Variants in GRIN2A observed in about 807,000 individuals in gnomAD.
The protein encoded by GRIN2A is glutamate ionotropic receptor NMDA type subunit 2A, also known as glutamate receptor ionotropic, NMDA 2A.
GRIN2A carries 22 observed loss-of-function variants against 113.4 expected under a neutral mutation model. The observed-to-expected ratio is 0.19, with a 90% confidence interval of 0.14 to 0.28. The LOEUF (loss-of-function observed/expected upper bound fraction) is 0.28. Ranked by LOEUF, GRIN2A falls within the 10% of genes least tolerant of loss-of-function variation. GRIN2A has a pLI of 1.00. For missense variants in GRIN2A, 1,502 were observed against 1,887.0 expected, an observed-to-expected ratio of 0.80 and a Z score of 3.78; for synonymous variants, 827 against 738.4, an observed-to-expected ratio of 1.12 and a Z score of -1.94.
chr16:10,179,893 C>CCCAAAAAAAAAAAAAAAAAA, intron 2 of GRIN2A, 105 bp downstream of exon 2: 3 of 719,816 alleles, frequency 4.2e-6, no homozygotes, highest in African/African-American at 1.8e-5. Context: ...CCCCCACCCC[C>CCCAAAAAAAAAAAAAAAAAA]ACTTCACATC....
intron 3 of GRIN2A, among the ~76,000 whole-genome samples, chr16:9,923,567 G>A (rs373211208): frequency 1.6e-4 from 25 of 151,830 alleles, no homozygotes; most frequent in African/African-American, 5.6e-4. Context: ...ATTAGCCAGA[G>A]CATTGGGGTT....
chr16:9,891,221 C>T (rs1298470299), intron 3 of GRIN2A, 121 bp from the exon 4 acceptor site: 1 of 703,050 alleles, frequency 1.4e-6, no homozygotes, highest in Non-Finnish European at 2.6e-6. Context: ...CTATATTCAT[C>T]ACAAGAAGCC....
At chr16:10,134,505 A>G (rs1346090440) in intron 2 of GRIN2A, among the ~76,000 whole-genome samples, 2 of 152,160 alleles carry the variant, frequency 1.3e-5, no homozygotes, top group East Asian at 3.9e-4. Flanking sequence ...GAGGGATAGC[A>G]TTAGGAGAAA....
At chr16:9,789,095 T>G (rs1311124834) in intron 11 of GRIN2A, among the ~76,000 whole-genome samples, 1 of 152,222 alleles carries the variant, frequency 6.6e-6, no homozygotes, top group African/African-American at 2.4e-5. Context: ...GCCATCAAAC[T>G]TGTTCTGTAA....
chr16:10,135,015 G>T (rs2049163027), intron 2 of GRIN2A, among the ~76,000 whole-genome samples: 1 of 152,066 alleles, frequency 6.6e-6, no homozygotes, highest in Non-Finnish European at 1.5e-5. Flanking sequence ...AGCATCTTTT[G>T]CAATCCAGAT....
chr16:9,856,580 G>A (rs183847823), intron 4 of GRIN2A, among the ~76,000 whole-genome samples: 240 of 147,598 alleles, frequency 1.6e-3, no homozygotes, highest in Middle Eastern at 6.9e-3. Flanking sequence ...AGCCGAGATC[G>A]CGCCACTGCA....
chr16:9,894,037 G>C (rs1277601671), intron 3 of GRIN2A, among the ~76,000 whole-genome samples: 2 of 152,158 alleles, frequency 1.3e-5, no homozygotes, highest in Admixed American at 1.3e-4. Flanking sequence ...ACAGACAAAA[G>C]GGTCCCTAAC....
intron 2 of GRIN2A, among the ~76,000 whole-genome samples, chr16:10,123,281 C>G (rs1481365694): frequency 6.6e-6 from 1 of 152,190 alleles, no homozygotes; most frequent in African/African-American, 2.4e-5. Context: ...TCGGGGCTCC[C>G]TGCGTACTTA....
At chr16:10,028,198 G>A (rs569089632) in intron 2 of GRIN2A, among the ~76,000 whole-genome samples, 34 of 152,216 alleles carry the variant, frequency 2.2e-4, no homozygotes, top group Non-Finnish European at 4.7e-4. Flanking sequence ...CTGTGATTGT[G>A]CCCATTTCAA....
At chr16:9,869,219 G>T (rs896846514) in intron 4 of GRIN2A, among the ~76,000 whole-genome samples, 2 of 152,166 alleles carry the variant, frequency 1.3e-5, no homozygotes, top group East Asian at 3.8e-4. Flanking sequence ...GATCACTTGA[G>T]GCCAGGAGTT....
intron 2 of GRIN2A, among the ~76,000 whole-genome samples, chr16:10,117,322 G>C (rs1039099572): frequency 2.0e-5 from 3 of 152,132 alleles, no homozygotes; most frequent in Admixed American, 6.5e-5. Flanking sequence ...GACGCATATT[G>C]AAAAGTATAG....
chr16:10,112,389 G>A, intron 2 of GRIN2A: 1 of 688,054 alleles, frequency 1.5e-6, no homozygotes, highest in Non-Finnish European at 2.7e-6. Context: ...GGAAGTGATG[G>A]CCTGCGGTCA....
intron 7 of GRIN2A, among the ~76,000 whole-genome samples, chr16:9,840,307 T>C (rs2042651017): frequency 6.6e-6 from 1 of 151,816 alleles, no homozygotes; most frequent in South Asian, 2.1e-4. Flanking sequence ...AAACCCCTTA[T>C]AATAATAATA....
intron 4 of GRIN2A, among the ~76,000 whole-genome samples, chr16:9,868,291 AG>A (rs1367839721): frequency 2.0e-5 from 3 of 151,938 alleles, no homozygotes; most frequent in Non-Finnish European, 4.4e-5. Flanking sequence ...TTTTTGAGAC[AG>A]GGTCTTATTC....
intron 11 of GRIN2A, among the ~76,000 whole-genome samples, chr16:9,774,822 T>C (rs1365153866): frequency 6.6e-6 from 1 of 152,198 alleles, no homozygotes; most frequent in Non-Finnish European, 1.5e-5. Flanking sequence ...GGAGATATTA[T>C]TATTGCCTGA....
At chr16:9,937,925 A>G (rs2044751099) in intron 3 of GRIN2A, 34 bp downstream of exon 3, 1 of 1,473,020 alleles carries the variant, frequency 6.8e-7, no homozygotes, top group South Asian at 1.1e-5. Context: ...CAAAACTCTG[A>G]TCCCACTTTG....
chr16:10,046,635 G>C (rs2047264847), intron 2 of GRIN2A, among the ~76,000 whole-genome samples: 1 of 152,118 alleles, frequency 6.6e-6, no homozygotes, highest in Non-Finnish European at 1.5e-5. Context: ...AGCTAAGTTT[G>C]AGCAGCAGCT....
chr16:10,053,602 G>T (rs2141990732), intron 2 of GRIN2A, among the ~76,000 whole-genome samples: 1 of 152,310 alleles, frequency 6.6e-6, no homozygotes, highest in South Asian at 2.1e-4. Context: ...GGCAAATGTT[G>T]CACTAAGGTG....
chr16:9,947,796 A>T (rs2045056197), intron 2 of GRIN2A, among the ~76,000 whole-genome samples: 1 of 151,462 alleles, frequency 6.6e-6, no homozygotes, highest in Non-Finnish European at 1.5e-5. Flanking sequence ...TTTTTTTTTT[A>T]AATGGAGGGA....
Sources: gnomAD v4.1 joint callset for allele counts (sites outside exome capture counted in the v4.1 genomes callset) on GRCh38, gnomAD v4.1.1 for gene constraint, MANE v1.5 for transcripts, NCBI Gene and HGNC (gene_info 2026-07-23, HGNC 2026-07-21) for gene names.